Variants in SPIDR observed in about 807,000 individuals in gnomAD.
SPIDR encodes scaffold protein involved in DNA repair, also known as DNA repair-scaffolding protein.
SPIDR carries 93 observed loss-of-function variants against 104.6 expected under a neutral mutation model. The ratio of observed to expected loss-of-function variants is 0.89; its 90% confidence interval spans 0.75 to 1.06. The LOEUF (loss-of-function observed/expected upper bound fraction) is 1.06. Ranked by LOEUF, SPIDR falls within the 50% of genes least tolerant of loss-of-function variation. SPIDR has a pLI of 0.00. For missense variants in SPIDR, 1,154 were observed against 1,111.2 expected, an observed-to-expected ratio of 1.04 and a Z score of -0.55; for synonymous variants, 431 against 416.9, an observed-to-expected ratio of 1.03 and a Z score of -0.41.
chr8:47,575,281 T>C (rs574370546), intron 8 of SPIDR, among the ~76,000 whole-genome samples: 1 of 152,214 alleles, frequency 6.6e-6, no homozygotes, highest in Non-Finnish European at 1.5e-5. Context: ...CTTTGTTACC[T>C]GTGTGTTTGG....
At chr8:47,618,297 T>A (rs1300943023) in intron 10 of SPIDR, among the ~76,000 whole-genome samples, 1 of 152,154 alleles carries the variant, frequency 6.6e-6, no homozygotes, top group Admixed American at 6.5e-5. Context: ...ACAGTCCGGC[T>A]ATCATTATTC....
chr8:47,730,963 A>G (rs2085110966), intron 19 of SPIDR, among the ~76,000 whole-genome samples: 1 of 152,090 alleles, frequency 6.6e-6, no homozygotes. Context: ...AGCTCTAAAG[A>G]GTTTCTGCTC....
chr8:47,261,097 C>T (rs940252632), intron 1 of SPIDR, 106 bp downstream of exon 1: 9 of 1,171,222 alleles, frequency 7.7e-6, no homozygotes, highest in Non-Finnish European at 9.6e-6. Context: ...AGAGGGTGGG[C>T]GTTGGGGGTG....
chr8:47,331,404 T>C (rs1171799808), intron 5 of SPIDR, among the ~76,000 whole-genome samples: 1 of 152,234 alleles, frequency 6.6e-6, no homozygotes, highest in Admixed American at 6.5e-5. Flanking sequence ...ATATCTAGGC[T>C]GCAAACCTTT....
intron 5 of SPIDR, among the ~76,000 whole-genome samples, chr8:47,303,443 C>T (rs1005226101): frequency 2.0e-5 from 3 of 152,156 alleles, no homozygotes; most frequent in African/African-American, 4.8e-5. Flanking sequence ...GTGCACTGCA[C>T]CCAGTGTGCT....
chr8:47,713,393 C>A, intron 15 of SPIDR, 96 bp from the exon 16 acceptor site: 1 of 1,549,584 alleles, frequency 6.5e-7, no homozygotes, highest in Non-Finnish European at 8.8e-7. Context: ...GCACCTTCAC[C>A]TGCATGACTC....
intron 14 of SPIDR, among the ~76,000 whole-genome samples, chr8:47,706,621 T>G (rs1366289724): frequency 6.6e-6 from 1 of 152,170 alleles, no homozygotes; most frequent in Non-Finnish European, 1.5e-5. Flanking sequence ...ACGTCGATCC[T>G]TTTTTCATCC....
chr8:47,450,526 G>C (rs2071514675), intron 8 of SPIDR, among the ~76,000 whole-genome samples: 1 of 152,168 alleles, frequency 6.6e-6, no homozygotes, highest in African/African-American at 2.4e-5. Context: ...AGTGTTTTGT[G>C]CTCAAATAAG....
intron 5 of SPIDR, among the ~76,000 whole-genome samples, chr8:47,389,481 AG>A (rs1305640727): frequency 2.6e-5 from 4 of 152,050 alleles, no homozygotes; most frequent in African/African-American, 9.7e-5. Flanking sequence ...CGAGGTCAGG[AG>A]ATCAAGACCA....
At position 47,712,844 on chromosome 8, in the gene SPIDR, C is replaced by T. The variant is rs1277679518; in HGVS notation, c.2160C>T (p.Leu720=). ...EALAGAAPHS[L]FFKDALRDQG... ...TCGCTGGGGCTGCCCCTCACAGCCT[C>T]TTCTTCAAGGACGCTCTCCGTGACC... is the stretch of plus-strand genomic sequence containing the variant. The change falls in exon 15 of 20, where the codon CTC becomes CTT. Residue 720 remains leucine, a synonymous_variant. Coordinates refer to ENST00000297423, the MANE Select transcript of SPIDR (RefSeq NM_001080394.4). 6.2e-7 allele frequency: 1 copy of T among 1,613,978 alleles called. No individual in the cohort carries two copies. The highest frequency in any genetic ancestry group is 2.2e-5 in the East Asian group (1 of 44,894).
At chr8:47,332,179 G>A (rs1481806796) in intron 5 of SPIDR, among the ~76,000 whole-genome samples, 11 of 47,356 alleles carry the variant, frequency 2.3e-4, no homozygotes, top group South Asian at 7.8e-4. Context: ...TCCCCAGAGT[G>A]TGATATTCCC....
intron 8 of SPIDR, among the ~76,000 whole-genome samples, chr8:47,541,353 T>G (rs914250642): frequency 1.3e-5 from 2 of 152,246 alleles, no homozygotes; most frequent in Non-Finnish European, 2.9e-5. Context: ...TGGGTCTTTC[T>G]GACTCAGACA....
intron 8 of SPIDR, among the ~76,000 whole-genome samples, chr8:47,579,421 G>A (rs888254885): frequency 6.6e-6 from 1 of 152,126 alleles, no homozygotes; most frequent in Admixed American, 6.5e-5. Context: ...TATTTTTTGT[G>A]CTGTCCACTA....
chr8:47,423,370 G>C (rs2065892345), intron 7 of SPIDR, among the ~76,000 whole-genome samples: 1 of 151,724 alleles, frequency 6.6e-6, no homozygotes, highest in African/African-American at 2.4e-5. Context: ...ACTTTGGGAG[G>C]CTGAGGCAGG....
At chr8:47,465,902 C>T (rs921293975) in intron 8 of SPIDR, among the ~76,000 whole-genome samples, 5 of 151,856 alleles carry the variant, frequency 3.3e-5, no homozygotes, top group African/African-American at 7.3e-5. Flanking sequence ...ATGACTAAAC[C>T]GACGAAGATC....
chr8:47,611,452 A>C (rs1296207564), intron 10 of SPIDR, among the ~76,000 whole-genome samples: 1 of 152,186 alleles, frequency 6.6e-6, no homozygotes, highest in Non-Finnish European at 1.5e-5. Context: ...TAATCCCAGC[A>C]CTTTGGGAGG....
intron 1 of SPIDR, among the ~76,000 whole-genome samples, chr8:47,277,706 C>CT (rs1343933031): frequency 7.0e-6 from 1 of 143,576 alleles, no homozygotes; most frequent in Non-Finnish European, 1.5e-5. Flanking sequence ...CAGAGTCTCG[C>CT]CTTGTTGCCC....
intron 8 of SPIDR, among the ~76,000 whole-genome samples, chr8:47,492,553 CCTTTT>C (rs1274720063): frequency 6.6e-6 from 1 of 152,152 alleles, no homozygotes; most frequent in Admixed American, 6.5e-5. Flanking sequence ...CTCTTTGGTT[CCTTTT>C]CTTTTCCATT....
At chr8:47,269,042 C>A (rs1329649793) in intron 1 of SPIDR, among the ~76,000 whole-genome samples, 1 of 152,030 alleles carries the variant, frequency 6.6e-6, no homozygotes, top group East Asian at 1.9e-4. Context: ...TGGCTCATGC[C>A]TGTGGTCCCA....
Sources: gnomAD v4.1 joint callset for allele counts (sites outside exome capture counted in the v4.1 genomes callset) on GRCh38, gnomAD v4.1.1 for gene constraint, MANE v1.5 for transcripts, NCBI Gene and HGNC (gene_info 2026-07-23, HGNC 2026-07-21) for gene names.